NKAIN1: variants seen among roughly 807,000 people sequenced by gnomAD.
The protein encoded by NKAIN1 is sodium/potassium-transporting ATPase subunit beta-1-interacting protein 1.
Under a neutral mutation model 31.6 loss-of-function variants are expected in NKAIN1, and 13 were observed. The ratio of observed to expected loss-of-function variants is 0.41; its 90% CI spans 0.27 to 0.65. The LOEUF is 0.65. NKAIN1 is among the 30% of genes least tolerant of loss of function. The probability of loss-of-function intolerance (pLI) is 0.30; values close to 1 mark genes in which losing one functional copy is unlikely to be tolerated. For missense variants in NKAIN1, 193 were observed against 262.2 expected (o/e 0.74, Z 1.82); for synonymous variants, 104 against 109.0 (o/e 0.95, Z 0.28).
chr1:31,182,082 G>A (rs1645206399), intron 5 of NKAIN1, 141 bp from the exon 6 acceptor site: 1 of 834,648 alleles, frequency 1.2e-6, no homozygotes, highest in Non-Finnish European at 1.9e-6. Context: ...GGGGAGGGGC[G>A]AGGGTCAGAC....
At chr1:31,197,545 CTTT>C (rs754860679) in intron 1 of NKAIN1, among the ~76,000 whole-genome samples, 1 of 111,390 alleles carries the variant, frequency 9.0e-6, no homozygotes, top group East Asian at 2.7e-4. Flanking sequence ...CGTGCCCGGC[CTTT>C]TTTTTTTTTT....
chr1:31,201,683 GA>G (rs1645381440), intron 1 of NKAIN1, among the ~76,000 whole-genome samples: 1 of 152,098 alleles, frequency 6.6e-6, no homozygotes, highest in Non-Finnish European at 1.5e-5. Context: ...TTTTATAAAT[GA>G]GGAAACTGAG....
chr1:31,220,174 ATTTT>A lies in NKAIN1; in HGVS notation c.54+19316_54+19319del, dbSNP rs552267355. 7.5e-3 allele frequency among the ~76,000 whole-genome samples: 959 copies of A among 127,270 alleles called. 58 individuals are homozygous for A. The East Asian group carries it at 0.14, about 19-fold the overall frequency. The allele number at this position is 127,270 out of a possible 152,430, so 83.5% of individuals were successfully genotyped here. On this transcript the variant is annotated intron_variant, in intron 1 of 6. Transcript: ENST00000373736. ...AGGCATGTGCCACCACGCCCAGCTA[ATTTT>A]TTTTTTTTTTTTTTTTTTAGTACAG...
Position 31,231,773 on chromosome 1 carries a change from G to A in NKAIN1, c.54+7721C>T, listed in dbSNP as rs574633458. Among the ~76,000 whole-genome samples the A allele has an allele frequency of 2.7e-4, 40 of 150,146 alleles. No individual in the cohort carries two copies. The East Asian group carries it at 6.0e-3, about 23-fold the overall frequency. On this transcript the variant is annotated intron_variant, in intron 1 of 6. Coordinates refer to ENST00000373736, the MANE Select transcript of NKAIN1 (RefSeq NM_024522.3). ...TCTCGATCTCCTGACCTTGTGATCC[G>A]CCCGCCTTGGCCTCCCAAAGTGCCG...
chr1:31,237,699 T>G (rs1426279382), intron 1 of NKAIN1, among the ~76,000 whole-genome samples: 1 of 152,022 alleles, frequency 6.6e-6, no homozygotes, highest in Non-Finnish European at 1.5e-5. Context: ...TTTCTTCATG[T>G]TGGCCAGGCT....
At position 31,188,063 on chromosome 1, in the gene NKAIN1, C is replaced by G; in HGVS notation, c.179G>C (p.Arg60Pro). Residue 60 changes from arginine (R) to proline (P), a missense_variant, in exon 2 of 7, where the codon CGG becomes CCG. By Grantham distance (103) the Arg-to-Pro change is moderately radical (BLOSUM62 -2). Transcript: ENST00000373736. ...GGTGAGCCGTACCAGGATGAGGTAC[C>G]GGGAGCGGTACTGCACGGTGCCAAA... Reference protein sequence around the residue: ...GIFGTVQYRSRYLILYAAWLV... With the variant: ...GIFGTVQYRSPYLILYAAWLV... 6.4e-7 allele frequency: 1 copy of G among 1,553,462 alleles called. No individual in the cohort carries two copies. Among genetic ancestry groups the G allele is most frequent in the South Asian group, 1.2e-5 (1 of 84,110 alleles).
At chr1:31,229,962 G>A (rs184491681) in intron 1 of NKAIN1, among the ~76,000 whole-genome samples, 114 of 152,248 alleles carry the variant, frequency 7.5e-4, no homozygotes, top group Non-Finnish European at 3.1e-4. Flanking sequence ...CTGTGCCCAC[G>A]GCTCTCCCTG....
rs1297436726 is a variant in NKAIN1 at position 31,216,715 on chromosome 1, T to TTTATTTAA, written c.54+22778_54+22779insTTAAATAA. On this transcript the variant is annotated intron_variant, in intron 1 of 6. Transcript: ENST00000373736. ...TTTTATTTATTTATTTATTTATTTA[T>TTTATTTAA]TTATTTATTTATTTATTGAGACAGC... Among the ~76,000 whole-genome samples the TTTATTTAA allele has an allele frequency of 4.0e-5, 6 of 151,294 alleles. No homozygotes were observed. In the East Asian group the frequency reaches 1.2e-3, roughly 29 times the overall value.
At chr1:31,181,994 G>A (rs891530257) in intron 5 of NKAIN1, 53 bp from the exon 6 acceptor site, 2 of 1,529,708 alleles carry the variant, frequency 1.3e-6, no homozygotes, top group African/African-American at 1.4e-5. Context: ...GCGAGGAGAG[G>A]GAGACTGGGT....
chr1:31,234,670 C>T (rs1186111909), intron 1 of NKAIN1, among the ~76,000 whole-genome samples: 1 of 150,062 alleles, frequency 6.7e-6, no homozygotes, highest in African/African-American at 2.5e-5. Context: ...CAGAAACAAC[C>T]ATGGCAGTGA....
rs139451212 is a variant in NKAIN1 at position 31,225,325 on chromosome 1, C to CTTTTTTT, written c.54+14162_54+14168dup. ...ACAGGCATAAGCCACCATGCCCGGC[C>CTTTTTTT]TTTTTTTTTTTTTTTTTTTTTTTTT... is the stretch of plus-strand genomic sequence containing the variant. On this transcript the variant is annotated intron_variant, in intron 1 of 6. Coordinates refer to ENST00000373736, the MANE Select transcript of NKAIN1 (RefSeq NM_024522.3). 6.3e-3 allele frequency among the ~76,000 whole-genome samples: 330 copies of CTTTTTTT among 52,164 alleles called. 16 individuals carry two copies. The highest frequency in any genetic ancestry group is 0.018 in the African/African-American group (242 of 13,802). 34.2% of individuals were successfully genotyped at this position (52,164 alleles called of 152,430 possible).
intron 1 of NKAIN1, among the ~76,000 whole-genome samples, chr1:31,194,786 TTTTG>T: frequency 6.9e-6 from 1 of 144,120 alleles, no homozygotes; most frequent in African/African-American, 2.6e-5. Context: ...TTTTTTTTTT[TTTTG>T]AGACAGAGTC....
At chr1:31,183,154 G>A (rs1645215732) in intron 4 of NKAIN1, among the ~76,000 whole-genome samples, 1 of 151,930 alleles carries the variant, frequency 6.6e-6, no homozygotes, top group Non-Finnish European at 1.5e-5. Flanking sequence ...CACGCCCACT[G>A]GGGTCACTTT....
At chr1:31,220,162 C>CA (rs1222066147) in intron 1 of NKAIN1, among the ~76,000 whole-genome samples, 3 of 144,062 alleles carry the variant, frequency 2.1e-5, no homozygotes, top group East Asian at 4.2e-4. Context: ...CATGTGCCAC[C>CA]ACGCCCAGCT....
intron 1 of NKAIN1, among the ~76,000 whole-genome samples, chr1:31,221,653 C>T (rs1490563641): frequency 6.6e-6 from 1 of 152,012 alleles, no homozygotes; most frequent in Non-Finnish European, 1.5e-5. Flanking sequence ...CCAAGATGGT[C>T]TCGATCTCTT....
In NKAIN1 at chr1:31,183,800, G is replaced by A. The variant is rs756208843; in HGVS notation, c.471+17C>T. 7 of 1,605,392 alleles carry A rather than the reference G, an allele frequency of 4.4e-6. No homozygotes were observed. The highest frequency in any genetic ancestry group is 6.0e-6 in the Non-Finnish European group (7 of 1,174,948). On this transcript the variant is annotated intron_variant, in intron 4 of 6. Coordinates refer to ENST00000373736, the MANE Select transcript of NKAIN1 (RefSeq NM_024522.3). ...GGATCGGGAAGTGTGTGTAGGGTGG[G>A]GGACAGAAGGACTTACTGCCAGGAA...
At chr1:31,193,320 A>C (rs1452573996) in intron 1 of NKAIN1, among the ~76,000 whole-genome samples, 1 of 150,782 alleles carries the variant, frequency 6.6e-6, no homozygotes, top group East Asian at 2.0e-4. Flanking sequence ...CACCCGCCTC[A>C]GCCTCCCAAA....
At position 31,182,686 on chromosome 1, in the gene NKAIN1, G is replaced by A. The variant is rs543591400; in HGVS notation, c.472-96C>T. The A allele has an allele frequency of 3.0e-6, 4 of 1,354,664 alleles. No homozygotes were observed. In the African/African-American group the frequency reaches 5.7e-5, roughly 19 times the overall value. 83.9% of individuals were successfully genotyped at this position (1,354,664 alleles called of 1,614,324 possible). On this transcript the variant is annotated intron_variant, in intron 4 of 6. Transcript: ENST00000373736. Reference sequence around the variant, plus strand: ...CTGTACGCTCTGACTGGCAAGGGAGGAGGCATGCCAGGATGAAGGCAAACC... The same window carrying A: ...CTGTACGCTCTGACTGGCAAGGGAGAAGGCATGCCAGGATGAAGGCAAACC...
At chr1:31,189,348 G>T (rs1321914838) in intron 1 of NKAIN1, among the ~76,000 whole-genome samples, 1 of 151,908 alleles carries the variant, frequency 6.6e-6, no homozygotes, top group Non-Finnish European at 1.5e-5. Flanking sequence ...ACAGAGTCCC[G>T]CTCTGTCGCC....
Sources: allele counts gnomAD v4.1 joint callset (sites outside exome capture counted in the v4.1 genomes callset), GRCh38; gene constraint gnomAD v4.1.1; transcripts MANE v1.5; gene names NCBI Gene and HGNC (gene_info 2026-07-23, HGNC 2026-07-21).